Variants in EBF2 observed in about 807,000 individuals in gnomAD.
The protein encoded by EBF2 is transcription factor COE2.
A neutral mutation model predicts 72.8 loss-of-function variants in EBF2; 21 were observed. The observed-to-expected ratio is 0.29, with a 90% CI of 0.20 to 0.42. The LOEUF is 0.42. EBF2 is among the 10% of genes least tolerant of loss of function. EBF2 has a pLI of 1.00. For synonymous variants in EBF2, 299 were observed against 274.2 expected (o/e 1.09, Z -0.89); for missense variants, 637 against 731.2 (o/e 0.87, Z 1.49).
intron 6 of EBF2, among the ~76,000 whole-genome samples, chr8:25,963,669 C>T (rs1804071764): frequency 6.6e-6 from 1 of 152,172 alleles, no homozygotes; most frequent in Non-Finnish European, 1.5e-5. Flanking sequence ...TTCCAGCTCA[C>T]TGGTACTTCA....
At position 25,886,897 on chromosome 8, in the gene EBF2, G is replaced by T. The variant is rs369397370; in HGVS notation, c.883-16C>A. On this transcript the variant is annotated splice_polypyrimidine_tract_variant and intron_variant, in intron 9 of 15. Transcript: ENST00000520164. ...GGGTTATTAGCTGAGGAATGAACAG[G>T]CAGGGAAATAAAATACCCATTAGAC... 249 of 1,609,656 alleles carry T rather than the reference G, an allele frequency of 1.5e-4. 1 individual carries two copies. Among genetic ancestry groups the T allele is most frequent in the Middle Eastern group, 6.6e-4 (4 of 6,030 alleles).
At chr8:25,915,780 G>A (rs984751430) in intron 6 of EBF2, among the ~76,000 whole-genome samples, 1 of 152,124 alleles carries the variant, frequency 6.6e-6, no homozygotes, top group African/African-American at 2.4e-5. Context: ...AATTTTGGAA[G>A]CATTTACCCA....
At chr8:25,929,402 G>T (rs1330286083) in intron 6 of EBF2, among the ~76,000 whole-genome samples, 2 of 152,178 alleles carry the variant, frequency 1.3e-5, no homozygotes, top group African/African-American at 2.4e-5. Context: ...TTTTGTCAGG[G>T]TCTATGGTGA....
intron 10 of EBF2, among the ~76,000 whole-genome samples, chr8:25,882,094 C>T (rs917339142): frequency 2.0e-5 from 3 of 152,174 alleles, no homozygotes; most frequent in Non-Finnish European, 2.9e-5. Flanking sequence ...TCTAATTGAG[C>T]TGAGTAACAC....
At chr8:25,895,558 G>A (rs1802852507) in intron 7 of EBF2, among the ~76,000 whole-genome samples, 1 of 152,206 alleles carries the variant, frequency 6.6e-6, no homozygotes, top group African/African-American at 2.4e-5. Context: ...GAATCTACAA[G>A]TACGTTAGCA....
intron 6 of EBF2, chr8:26,032,023 G>A (rs1805416293): frequency 6.6e-6 from 1 of 152,152 alleles, no homozygotes; most frequent in South Asian, 2.1e-4. Context: ...TCCTCTTCAA[G>A]CATCTCAGAG....
intron 6 of EBF2, among the ~76,000 whole-genome samples, chr8:25,940,612 T>C (rs1006958359): frequency 1.5e-4 from 14 of 95,072 alleles, no homozygotes; most frequent in African/African-American, 5.1e-4. Flanking sequence ...AAAATAAAAA[T>C]GAAAAAATTA....
chr8:25,932,702 C>T (rs1318504911), intron 6 of EBF2, among the ~76,000 whole-genome samples: 3 of 152,114 alleles, frequency 2.0e-5, no homozygotes. Context: ...AGGTTTGCCG[C>T]TAATTGGAAA....
chr8:25,937,986 A>G (rs76888034), intron 6 of EBF2, among the ~76,000 whole-genome samples: 3,662 of 152,300 alleles, frequency 0.024, 148 homozygotes, highest in African/African-American at 0.084. Context: ...AGAAAGAGAA[A>G]AAAAGGAAGA....
At chr8:25,901,534 A>G (rs1802954921) in intron 7 of EBF2, among the ~76,000 whole-genome samples, 1 of 152,042 alleles carries the variant, frequency 6.6e-6, no homozygotes, top group Non-Finnish European at 1.5e-5. Flanking sequence ...TGTGCTGCCC[A>G]CAGGATAGAG....
chr8:25,937,909 A>C (rs550485111), intron 6 of EBF2, among the ~76,000 whole-genome samples: 1 of 152,168 alleles, frequency 6.6e-6, no homozygotes, highest in African/African-American at 2.4e-5. Flanking sequence ...GGGCTCCCCA[A>C]ATTTTCCACC....
intron 6 of EBF2, among the ~76,000 whole-genome samples, chr8:25,961,270 T>C (rs1192254419): frequency 1.3e-5 from 2 of 152,232 alleles, no homozygotes; most frequent in Non-Finnish European, 2.9e-5. Context: ...ATGTAAAAGA[T>C]AGGAATTCCA....
intron 10 of EBF2, among the ~76,000 whole-genome samples, chr8:25,877,412 T>G (rs1802541144): frequency 6.6e-6 from 1 of 152,222 alleles, no homozygotes; most frequent in African/African-American, 2.4e-5. Flanking sequence ...AGCCCTGTTC[T>G]CACGTGGCTC....
intron 6 of EBF2, among the ~76,000 whole-genome samples, chr8:25,996,917 A>G (rs1021515230): frequency 1.3e-5 from 2 of 152,218 alleles, no homozygotes; most frequent in Non-Finnish European, 2.9e-5. Flanking sequence ...TCATGTGCTA[A>G]TAAGTATAAA....
intron 7 of EBF2, among the ~76,000 whole-genome samples, chr8:25,901,773 A>C (rs1057021614): frequency 6.6e-6 from 1 of 152,212 alleles, no homozygotes; most frequent in African/African-American, 2.4e-5. Context: ...ATACTTGACC[A>C]AGCTGCTGAG....
rs766167690 is a variant in EBF2, at chr8:25,858,341, T to C, written c.1506A>G (p.Ser502=). The C allele has an allele frequency of 1.6e-5, 26 of 1,613,942 alleles. No homozygotes were observed. The highest frequency in any genetic ancestry group is 2.0e-5 in the Non-Finnish European group (24 of 1,180,008). Residue 502 remains serine (S), a synonymous_variant, in exon 14 of 16, where the codon TCA becomes TCG. Coordinates refer to ENST00000520164, the MANE Select transcript of EBF2 (RefSeq NM_022659.4). ...TACTTCCATAAGGAGAGCCGGTGGG[T>C]GAGCCATTTAGAAATCCTGGTGAAC... ...VPGSPGFLNG[S]PTGSPYGIMS... is the part of the protein sequence containing the mutation.
chr8:25,864,338 C>T (rs902054566), intron 10 of EBF2, among the ~76,000 whole-genome samples: 4 of 152,086 alleles, frequency 2.6e-5, no homozygotes, highest in South Asian at 2.1e-4. Flanking sequence ...TTATAAACTG[C>T]GTGTTAATAC....
chr8:25,961,723 G>T (rs1804038358), intron 6 of EBF2, among the ~76,000 whole-genome samples: 1 of 152,046 alleles, frequency 6.6e-6, no homozygotes, highest in Non-Finnish European at 1.5e-5. Flanking sequence ...TCCTCATAAT[G>T]CTGGTTTTCC....
chr8:25,944,727 T>C (rs1262696357), intron 6 of EBF2, among the ~76,000 whole-genome samples: 1 of 148,150 alleles, frequency 6.7e-6, no homozygotes, highest in Non-Finnish European at 1.5e-5. Context: ...CATATGATTA[T>C]ATGTACACAA....
Sources: gnomAD v4.1 joint callset for allele counts (sites outside exome capture counted in the v4.1 genomes callset) on GRCh38, gnomAD v4.1.1 for gene constraint, MANE v1.5 for transcripts, NCBI Gene and HGNC (gene_info 2026-07-23, HGNC 2026-07-21) for gene names.